The following DAB1 variants were observed in gnomAD, a reference collection of about 807,000 sequenced individuals.
DAB1 encodes the protein disabled homolog 1.
Under a neutral mutation model 64.6 loss-of-function variants are expected in DAB1, and 15 were observed. That is an observed-to-expected ratio of 0.23 (90% CI 0.16 to 0.36). The LOEUF is 0.36. Among genes scored for constraint, DAB1 ranks in the 10% least tolerant of loss-of-function variants. DAB1 has a pLI of 1.00. For synonymous variants in DAB1, 235 were observed against 251.9 expected (o/e 0.93, Z 0.64); for missense variants, 596 against 706.7 (o/e 0.84, Z 1.78).
At chr1:57,417,223 T>C (rs35930247) in intron 1 of DAB1, among the ~76,000 whole-genome samples, 2 of 152,206 alleles carry the variant, frequency 1.3e-5, no homozygotes, top group East Asian at 1.9e-4. Context: ...TATTATATTG[T>C]TATTTATACT....
intron 4 of DAB1, among the ~76,000 whole-genome samples, chr1:58,243,277 T>C (rs1205881421): frequency 6.6e-6 from 1 of 152,148 alleles, no homozygotes; most frequent in Admixed American, 6.5e-5. Context: ...GAAGCTGTAT[T>C]CTGCATTTTA....
chr1:57,273,008 G>A (rs1477351741), intron 2 of DAB1, among the ~76,000 whole-genome samples: 1 of 152,146 alleles, frequency 6.6e-6, no homozygotes, highest in East Asian at 1.9e-4. Flanking sequence ...AACTATGAAA[G>A]GTCAAAATGT....
chr1:57,878,133 T>C (rs555763015), intron 1 of DAB1, among the ~76,000 whole-genome samples: 2 of 147,676 alleles, frequency 1.4e-5, no homozygotes, highest in South Asian at 4.3e-4. Flanking sequence ...TGAAAAATTC[T>C]TTAGAAATAT....
chr1:58,174,695 C>G (rs1333849210), intron 4 of DAB1, among the ~76,000 whole-genome samples: 4 of 152,212 alleles, frequency 2.6e-5, no homozygotes, highest in Non-Finnish European at 5.9e-5. Flanking sequence ...AATCAGCGCT[C>G]TGTGTCTAGC....
At chr1:57,382,357 G>C (rs1204378540) in intron 1 of DAB1, among the ~76,000 whole-genome samples, 1 of 152,074 alleles carries the variant, frequency 6.6e-6, no homozygotes, top group Non-Finnish European at 1.5e-5. Context: ...TCCCAATGTT[G>C]GTTGATCTGA....
chr1:57,502,513 G>C (rs978557010), intron 7 of DAB1, among the ~76,000 whole-genome samples: 3 of 152,052 alleles, frequency 2.0e-5, no homozygotes, highest in Admixed American at 2.0e-4. Context: ...TTATTTATTT[G>C]TTTGTTTGTA....
At chr1:57,004,823 T>A (rs1179104034) in intron 14 of DAB1, among the ~76,000 whole-genome samples, 1 of 152,072 alleles carries the variant, frequency 6.6e-6, no homozygotes, top group Non-Finnish European at 1.5e-5. Context: ...CCTCCTAACT[T>A]CCGATATGAA....
intron 4 of DAB1, among the ~76,000 whole-genome samples, chr1:58,341,260 G>A (rs1268679042): frequency 1.3e-5 from 2 of 152,100 alleles, no homozygotes; most frequent in Non-Finnish European, 2.9e-5. Context: ...CAGTTAAAAA[G>A]AAAGCATTTC....
At chr1:57,525,392 T>C (rs1374521787) in intron 7 of DAB1, among the ~76,000 whole-genome samples, 1 of 152,078 alleles carries the variant, frequency 6.6e-6, no homozygotes, top group African/African-American at 2.4e-5. Context: ...AAGAGATCTG[T>C]TGAAGTATTT....
At chr1:58,470,944 T>C (rs79293768) in intron 3 of DAB1, among the ~76,000 whole-genome samples, 2,630 of 152,280 alleles carry the variant, frequency 0.017, 77 homozygotes, top group African/African-American at 0.059. Context: ...CAAAAGCTTA[T>C]TAGGCCTTCC....
intron 6 of DAB1, among the ~76,000 whole-genome samples, chr1:57,812,859 C>T (rs1352193020): frequency 1.3e-5 from 2 of 152,170 alleles, no homozygotes; most frequent in Non-Finnish European, 2.9e-5. Flanking sequence ...GATGAAGAAA[C>T]AGAGGCTCAG....
At chr1:58,460,739 A>G (rs1051544756) in intron 3 of DAB1, among the ~76,000 whole-genome samples, 7 of 152,208 alleles carry the variant, frequency 4.6e-5, no homozygotes, top group Admixed American at 4.6e-4. Context: ...ATAATGATTC[A>G]TGGGAGCTAA....
rs906441352 is a variant in DAB1, at chr1:57,553,308, A to G, written n.625+96284T>C. ...GTAAAAAGATAAGAGCAGTGGTAAT[A>G]GGAACCAATTCAAGAAAGGAAAGAA... On this transcript the variant is annotated intron_variant and non_coding_transcript_variant, in intron 7 of 20. Coordinates refer to the DAB1 transcript ENST00000485760. Among the ~76,000 whole-genome samples the G allele has an allele frequency of 1.3e-5, 2 of 150,530 alleles. 1 individual carries two copies.
chr1:57,078,366 C>T (rs909704708), intron 4 of DAB1, among the ~76,000 whole-genome samples: 10 of 152,140 alleles, frequency 6.6e-5, no homozygotes, highest in African/African-American at 2.4e-4. Context: ...TGTAGCTTTG[C>T]ACACATCACT....
chr1:58,156,103 G>C (rs1655211721), intron 4 of DAB1, among the ~76,000 whole-genome samples: 1 of 152,164 alleles, frequency 6.6e-6, no homozygotes, highest in South Asian at 2.1e-4. Context: ...CTCATCAACA[G>C]TGTTTTGGAG....
chr1:58,077,707 A>G (rs1321260894), intron 5 of DAB1, among the ~76,000 whole-genome samples: 1 of 152,136 alleles, frequency 6.6e-6, no homozygotes, highest in Admixed American at 6.5e-5. Context: ...AAACCCAACT[A>G]CTTTTCCAGG....
chr1:57,824,074 T>G (rs1417958635), downstream of DAB1, among the ~76,000 whole-genome samples: 1 of 152,212 alleles, frequency 6.6e-6, no homozygotes, highest in African/African-American at 2.4e-5. Flanking sequence ...CCAGTACAGT[T>G]CTAAGCATTT....
chr1:57,830,391 A>G (rs4134429), intron 1 of DAB1, among the ~76,000 whole-genome samples: 31,545 of 152,058 alleles, frequency 0.21, 3,557 homozygotes, highest in African/African-American at 0.29. Flanking sequence ...TCCTATTTTT[A>G]GCACATGACT....
intron 3 of DAB1, among the ~76,000 whole-genome samples, chr1:58,374,817 G>C (rs1169792025): frequency 7.2e-6 from 1 of 137,966 alleles, no homozygotes; most frequent in Non-Finnish European, 1.6e-5. Flanking sequence ...CATGAGCATG[G>C]AATGTTCTTC....
Sources: allele counts gnomAD v4.1 joint callset (sites outside exome capture counted in the v4.1 genomes callset), GRCh38; gene constraint gnomAD v4.1.1; transcripts MANE v1.5; gene names NCBI Gene and HGNC (gene_info 2026-07-23, HGNC 2026-07-21).